Variants in HDAC9 observed in about 807,000 individuals in gnomAD.
The protein encoded by HDAC9 is histone deacetylase 9.
In HDAC9, 41 loss-of-function variants were observed where a neutral mutation model predicts 139.4. The ratio of observed to expected loss-of-function variants is 0.29; its 90% CI spans 0.23 to 0.38. The LOEUF (loss-of-function observed/expected upper bound fraction) is 0.38. Ranked by LOEUF, HDAC9 falls within the 10% of genes least tolerant of loss-of-function variation. The probability of loss-of-function intolerance (pLI) is 1.00; values close to 1 mark genes in which losing one functional copy is unlikely to be tolerated. For missense variants in HDAC9, 1,147 were observed against 1,297.0 expected, an observed-to-expected ratio of 0.88 and a Z score of 1.78; for synonymous variants, 517 against 476.2, an observed-to-expected ratio of 1.09 and a Z score of -1.12.
intron 11 of HDAC9, among the ~76,000 whole-genome samples, chr7:18,663,513 C>T (rs1056385005): frequency 1.8e-4 from 28 of 151,988 alleles, no homozygotes; most frequent in East Asian, 7.8e-4. Flanking sequence ...GACACTGGCT[C>T]TCTGGCTAAT....
chr7:18,626,160 GA>G (rs1256872483), intron 6 of HDAC9, among the ~76,000 whole-genome samples: 1 of 151,916 alleles, frequency 6.6e-6, no homozygotes, highest in Non-Finnish European at 1.5e-5. Context: ...GAGAGGGGAG[GA>G]AATTTTTCCT....
At chr7:18,197,357 T>A (rs994722769) in intron 2 of HDAC9, among the ~76,000 whole-genome samples, 1 of 152,158 alleles carries the variant, frequency 6.6e-6, no homozygotes, top group African/African-American at 2.4e-5. Flanking sequence ...GGAATGGGAA[T>A]GGAGAAATTG....
chr7:18,168,344 A>G (rs1788143288), intron 2 of HDAC9, among the ~76,000 whole-genome samples: 1 of 152,194 alleles, frequency 6.6e-6, no homozygotes, highest in South Asian at 2.1e-4. Context: ...CCAAATATAC[A>G]GTGGTTGATA....
At chr7:18,426,277 A>G (rs187398733) in intron 1 of HDAC9, among the ~76,000 whole-genome samples, 44 of 152,296 alleles carry the variant, frequency 2.9e-4, no homozygotes, top group Admixed American at 2.7e-3. Context: ...TATGCAAGTC[A>G]TTTGTCATTC....
intron 1 of HDAC9, among the ~76,000 whole-genome samples, chr7:18,089,912 C>T (rs1782032840): frequency 7.0e-6 from 1 of 142,406 alleles, no homozygotes; most frequent in East Asian, 2.0e-4. Flanking sequence ...ATTTTTGCTT[C>T]ATTGGTTTTT....
chr7:18,329,683 A>T (rs1800760698), intron 1 of HDAC9, among the ~76,000 whole-genome samples: 1 of 151,760 alleles, frequency 6.6e-6, no homozygotes, highest in South Asian at 2.1e-4. Context: ...TTGCTCAAGA[A>T]CATGGGCCAG....
chr7:18,908,135 A>T (rs1186245115), intron 22 of HDAC9, among the ~76,000 whole-genome samples: 1 of 152,092 alleles, frequency 6.6e-6, no homozygotes, highest in Non-Finnish European at 1.5e-5. Flanking sequence ...ATTCTTTAAA[A>T]ACATTAATAT....
At chr7:18,967,941 T>A (rs1445683530) in intron 24 of HDAC9, among the ~76,000 whole-genome samples, 1 of 152,064 alleles carries the variant, frequency 6.6e-6, no homozygotes, top group Non-Finnish European at 1.5e-5. Context: ...GGCGGGCGGA[T>A]CACCTGGGGT....
intron 21 of HDAC9, among the ~76,000 whole-genome samples, chr7:18,859,791 A>G (rs1214153007): frequency 1.6e-5 from 2 of 127,018 alleles, no homozygotes; most frequent in African/African-American, 5.6e-5. Context: ...CTTGAGAAGA[A>G]ATATAAAGGC....
At chr7:18,162,098 A>G in intron 1 of HDAC9, 1 of 532,278 alleles carries the variant, frequency 1.9e-6, no homozygotes. Flanking sequence ...TGTAAGGTTG[A>G]TATGACTGCC....
chr7:18,124,273 C>G (rs1191340910), intron 1 of HDAC9, among the ~76,000 whole-genome samples: 1 of 152,176 alleles, frequency 6.6e-6, no homozygotes, highest in Non-Finnish European at 1.5e-5. Flanking sequence ...CTTTTACGGT[C>G]TGCTTCCATA....
chr7:18,461,858 A>C (rs1793878330), intron 1 of HDAC9, among the ~76,000 whole-genome samples: 2 of 152,150 alleles, frequency 1.3e-5, no homozygotes, highest in African/African-American at 4.8e-5. Context: ...CTATGATGAT[A>C]ATGTAGCTTA....
intron 11 of HDAC9, among the ~76,000 whole-genome samples, chr7:18,659,226 A>G (rs796272213): frequency 1.4e-4 from 22 of 152,326 alleles, no homozygotes; most frequent in African/African-American, 5.3e-4. Flanking sequence ...TTAAAAGTAC[A>G]TATGCTTATA....
intron 2 of HDAC9, among the ~76,000 whole-genome samples, chr7:18,236,257 C>A (rs965969171): frequency 1.3e-5 from 2 of 152,096 alleles, no homozygotes; most frequent in Non-Finnish European, 2.9e-5. Flanking sequence ...CCACCTCAGA[C>A]CTGCACACAC....
chr7:18,877,729 G>A (rs1002320532), intron 22 of HDAC9, among the ~76,000 whole-genome samples: 3 of 152,018 alleles, frequency 2.0e-5, no homozygotes, highest in African/African-American at 7.2e-5. Flanking sequence ...AATAATAAAA[G>A]GTTGGTGTAA....
In HDAC9 at chr7:18,707,064, A is replaced by G. The variant is rs187463096; in HGVS notation, c.1732-20516A>G. Among the ~76,000 whole-genome samples the G allele has an allele frequency of 5.3e-3, 805 of 152,264 alleles. 6 individuals carry two copies. The highest frequency in any genetic ancestry group is 0.02 in the Middle Eastern group (6 of 294). ...AAGTGTGGAAATAGAGCCAAGAGCTAGGGGTGGAGCCCCAGAGAAGCCAAC... is the reference window on the plus strand; with the variant it reads ...AAGTGTGGAAATAGAGCCAAGAGCTGGGGGTGGAGCCCCAGAGAAGCCAAC... On this transcript the variant is annotated intron_variant, in intron 12 of 25. Transcript: ENST00000686413.
intron 2 of HDAC9, among the ~76,000 whole-genome samples, chr7:18,555,024 T>A (rs892113838): frequency 6.6e-6 from 1 of 152,228 alleles, no homozygotes; most frequent in African/African-American, 2.4e-5. Context: ...CAGAAACATA[T>A]AAAATTGTGT....
intron 1 of HDAC9, among the ~76,000 whole-genome samples, chr7:18,110,698 T>A (rs1447068315): frequency 6.6e-6 from 1 of 152,148 alleles, no homozygotes; most frequent in African/African-American, 2.4e-5. Flanking sequence ...AGTCACAATT[T>A]TAAGCAATTT....
At chr7:18,238,373 G>A (rs1378034191) in intron 2 of HDAC9, among the ~76,000 whole-genome samples, 2 of 152,158 alleles carry the variant, frequency 1.3e-5, no homozygotes, top group African/African-American at 2.4e-5. Context: ...TCATAACCAC[G>A]TCAGATTGTC....
Sources: gnomAD v4.1 joint callset for allele counts (sites outside exome capture counted in the v4.1 genomes callset) on GRCh38, gnomAD v4.1.1 for gene constraint, MANE v1.5 for transcripts, NCBI Gene and HGNC (gene_info 2026-07-23, HGNC 2026-07-21) for gene names.